SNX24: variants seen among roughly 807,000 people sequenced by gnomAD.
SNX24 encodes the protein sorting nexin-24.
SNX24 carries 22 observed loss-of-function variants against 28.7 expected under a neutral mutation model. That is an observed-to-expected ratio of 0.77 (90% CI 0.55 to 1.10). The LOEUF (loss-of-function observed/expected upper bound fraction) is 1.10. Among genes scored for constraint, SNX24 ranks in the 50% least tolerant of loss-of-function variants. The probability of loss-of-function intolerance (pLI) is 0.00; values close to 1 mark genes in which losing one functional copy is unlikely to be tolerated. For missense variants in SNX24, 221 were observed against 201.1 expected, an observed-to-expected ratio of 1.10 and a Z score of -0.60; for synonymous variants, 69 against 71.5, an observed-to-expected ratio of 0.96 and a Z score of 0.18.
At chr5:122,893,931 C>G (rs914690094) in intron 1 of SNX24, among the ~76,000 whole-genome samples, 1 of 151,804 alleles carries the variant, frequency 6.6e-6, no homozygotes, top group Non-Finnish European at 1.5e-5. Context: ...CTTTGTAATC[C>G]CAGCTACTTG....
intron 5 of SNX24, among the ~76,000 whole-genome samples, chr5:123,021,104 T>TCC (rs11407427): frequency 0.035 from 5,150 of 146,548 alleles, 152 homozygotes; most frequent in African/African-American, 0.055. Context: ...TCCACACAGT[T>TCC]CCCCCCCCGT....
At chr5:122,863,700 C>T (rs1012467434) in intron 1 of SNX24, among the ~76,000 whole-genome samples, 1 of 152,122 alleles carries the variant, frequency 6.6e-6, no homozygotes, top group African/African-American at 2.4e-5. Flanking sequence ...GGACCATGGA[C>T]GCATGCTATC....
intron 3 of SNX24, 114 bp from the exon 4 acceptor site, chr5:122,999,798 G>A: frequency 1.4e-6 from 1 of 728,240 alleles, no homozygotes; most frequent in Non-Finnish European, 2.5e-6. Context: ...TGACTGTGAG[G>A]AATGTTGCTG....
intron 1 of SNX24, among the ~76,000 whole-genome samples, chr5:122,907,200 T>C (rs1757679363): frequency 6.6e-6 from 1 of 152,226 alleles, no homozygotes; most frequent in Admixed American, 6.5e-5. Context: ...AATTTTAAAA[T>C]GAGTATTTCA....
intron 1 of SNX24, among the ~76,000 whole-genome samples, chr5:122,877,567 T>A (rs1756280067): frequency 6.6e-6 from 1 of 152,060 alleles, no homozygotes; most frequent in African/African-American, 2.4e-5. Context: ...AAATTTAGTA[T>A]CCTCTCTCTC....
At chr5:122,865,653 T>A (rs1210642120) in intron 1 of SNX24, among the ~76,000 whole-genome samples, 1 of 152,214 alleles carries the variant, frequency 6.6e-6, no homozygotes, top group Non-Finnish European at 1.5e-5. Flanking sequence ...GCTTGCTTTT[T>A]AATTCAATAG....
At position 123,009,071 on chromosome 5, in the gene SNX24, C is replaced by G. The variant is rs1465582825; in HGVS notation, c.*1322C>G. ...TTAAAATATTATGATAGATTCTGTA[C>G]TACATGTGGGAAACAAGCAAGAACT... On this transcript the variant is annotated 3_prime_UTR_variant, in exon 7 of 7. Transcript: ENST00000261369. The G allele has an allele frequency of 1.0e-6, 1 of 985,394 alleles. No individual in the cohort carries two copies. Among genetic ancestry groups the G allele is most frequent in the South Asian group, 4.7e-5 (1 of 21,268 alleles). The allele number at this position is 985,394 out of a possible 1,614,324, so 61.0% of individuals were successfully genotyped here. A position where few individuals can be genotyped will look rare whatever the true frequency, so the allele number is the denominator to read the frequency against.
intron 1 of SNX24, among the ~76,000 whole-genome samples, chr5:122,928,333 A>C (rs1349899474): frequency 6.6e-6 from 1 of 152,178 alleles, no homozygotes; most frequent in Non-Finnish European, 1.5e-5. Context: ...TCCACACCAT[A>C]ATCCCCAGAA....
chr5:123,019,892 C>A (rs1762737884), intron 5 of SNX24, among the ~76,000 whole-genome samples: 1 of 152,238 alleles, frequency 6.6e-6, no homozygotes, highest in Admixed American at 6.5e-5. Flanking sequence ...TGAGGCCTGA[C>A]CCTTGGTGTA....
At chr5:122,950,149 CAGTT>C (rs1278136471) in intron 3 of SNX24, among the ~76,000 whole-genome samples, 11 of 152,128 alleles carry the variant, frequency 7.2e-5, no homozygotes, top group Admixed American at 7.2e-4. Context: ...GGAAGAAAAT[CAGTT>C]GGTTTTCATC....
intron 3 of SNX24, among the ~76,000 whole-genome samples, chr5:122,946,844 G>A (rs1468585124): frequency 6.6e-6 from 1 of 152,344 alleles, no homozygotes; most frequent in East Asian, 1.9e-4. Flanking sequence ...CGAGTACTCA[G>A]TGTAGTCATC....
chr5:122,941,693 C>T (rs939602182), intron 2 of SNX24, among the ~76,000 whole-genome samples: 2 of 152,174 alleles, frequency 1.3e-5, no homozygotes, highest in Admixed American at 6.5e-5. Context: ...GTTAGAGTGT[C>T]TAGTAGAGTC....
intron 1 of SNX24, among the ~76,000 whole-genome samples, chr5:122,889,126 A>G (rs982402900): frequency 1.3e-5 from 2 of 152,158 alleles, no homozygotes; most frequent in Admixed American, 6.5e-5. Context: ...GTTCTGGATA[A>G]CACGCATTGA....
chr5:122,915,855 T>A (rs193226153), intron 1 of SNX24, among the ~76,000 whole-genome samples: 1 of 152,352 alleles, frequency 6.6e-6, no homozygotes, highest in East Asian at 1.9e-4. Flanking sequence ...TTTCTTTTGT[T>A]AAACTGACCT....
At chr5:122,881,657 G>C (rs1756486605) in intron 1 of SNX24, among the ~76,000 whole-genome samples, 1 of 151,696 alleles carries the variant, frequency 6.6e-6, no homozygotes, top group African/African-American at 2.4e-5. Flanking sequence ...CTACTGAGTA[G>C]GGATTATAAT....
chr5:122,968,813 A>G (rs572814058), intron 3 of SNX24, among the ~76,000 whole-genome samples: 1 of 152,278 alleles, frequency 6.6e-6, no homozygotes, highest in East Asian at 1.9e-4. Context: ...AGTAATAGAT[A>G]CAATAAAATA....
At chr5:122,932,858 C>CAAA (rs57930558) in intron 1 of SNX24, among the ~76,000 whole-genome samples, 2 of 87,982 alleles carry the variant, frequency 2.3e-5, no homozygotes, top group African/African-American at 9.5e-5. Flanking sequence ...GACTCTGTCT[C>CAAA]AAAAAAAAAA....
At chr5:122,855,640 C>G (rs1264081397) in intron 1 of SNX24, among the ~76,000 whole-genome samples, 1 of 152,152 alleles carries the variant, frequency 6.6e-6, no homozygotes, top group Non-Finnish European at 1.5e-5. Context: ...GCAATCAACC[C>G]TGTCAAATGC....
intron 3 of SNX24, chr5:122,948,560 A>G (rs1335478827): frequency 6.6e-6 from 1 of 152,296 alleles, no homozygotes. Flanking sequence ...TTTCCCACGC[A>G]TAAACAGGCA....
Sources: gnomAD v4.1 joint callset for allele counts (sites outside exome capture counted in the v4.1 genomes callset) on GRCh38, gnomAD v4.1.1 for gene constraint, MANE v1.5 for transcripts, NCBI Gene and HGNC (gene_info 2026-07-23, HGNC 2026-07-21) for gene names.